TMCO4: variants seen among roughly 807,000 people sequenced by gnomAD.
TMCO4 encodes the protein transmembrane and coiled-coil domains 4.
Under a neutral mutation model 64.7 loss-of-function variants are expected in TMCO4, and 58 were observed. The observed-to-expected ratio is 0.90, with a 90% CI of 0.73 to 1.12. The LOEUF is 1.12. TMCO4 is among the 50% of genes most tolerant of loss of function. The pLI is 0.00. For missense variants in TMCO4, 780 were observed against 825.9 expected (o/e 0.94, Z 0.68); for synonymous variants, 325 against 346.1 (o/e 0.94, Z 0.68).
intron 13 of TMCO4, among the ~76,000 whole-genome samples, chr1:19,720,555 T>G (rs994264224): frequency 1.3e-5 from 2 of 152,202 alleles, no homozygotes; most frequent in Non-Finnish European, 2.9e-5. Context: ...TGTTTTATAT[T>G]TGCCCATAAG....
chr1:19,742,383 G>C (rs968947336), intron 10 of TMCO4, among the ~76,000 whole-genome samples: 1 of 152,176 alleles, frequency 6.6e-6, no homozygotes, highest in Non-Finnish European at 1.5e-5. Context: ...TGGAGGGGTG[G>C]AGACAGCTTC....
At chr1:19,716,381 C>CTTTTTTTTTTTTTTTTTTTTTTTTTCTT (rs1262772167) in intron 13 of TMCO4, among the ~76,000 whole-genome samples, 4 of 124,474 alleles carry the variant, frequency 3.2e-5, no homozygotes, top group Non-Finnish European at 6.7e-5. Flanking sequence ...TTTTTTCTTT[C>CTTTTTTTTTTTTTTTTTTTTTTTTTCTT]TTTTTTTTTT....
intron 5 of TMCO4, 105 bp downstream of exon 5, chr1:19,771,203 T>C (rs2042964701): frequency 8.1e-7 from 1 of 1,233,882 alleles, no homozygotes; most frequent in Non-Finnish European, 1.1e-6. Context: ...ACATATTTTA[T>C]CTTCCAACTG....
intron 13 of TMCO4, among the ~76,000 whole-genome samples, chr1:19,735,442 G>A (rs2100816639): frequency 6.6e-6 from 1 of 152,272 alleles, no homozygotes; most frequent in Non-Finnish European, 1.5e-5. Flanking sequence ...GGGCCATGAG[G>A]ATCCAGGGGT....
intron 15 of TMCO4, among the ~76,000 whole-genome samples, chr1:19,692,859 A>C (rs1270485539): frequency 6.6e-6 from 1 of 151,934 alleles, no homozygotes; most frequent in Non-Finnish European, 1.5e-5. Flanking sequence ...CAGGTGAACG[A>C]GGTTCTTTCA....
At chr1:19,698,507 C>CT (rs763696310) in intron 14 of TMCO4, among the ~76,000 whole-genome samples, 4 of 152,220 alleles carry the variant, frequency 2.6e-5, no homozygotes, top group African/African-American at 4.8e-5. Context: ...TTACAAAGAG[C>CT]TTTATTCATG....
intron 15 of TMCO4, 145 bp from the exon 16 acceptor site, chr1:19,683,589 G>A (rs2095121543): frequency 1.2e-6 from 1 of 856,090 alleles, no homozygotes; most frequent in Non-Finnish European, 1.8e-6. Flanking sequence ...ATCCCTCAGT[G>A]GCTCTCAAAT....
chr1:19,751,845 G>A (rs556254555), intron 7 of TMCO4, among the ~76,000 whole-genome samples: 6 of 152,106 alleles, frequency 3.9e-5, no homozygotes, highest in Admixed American at 2.6e-4. Context: ...TCAGGAGATC[G>A]AGACCATCCT....
At chr1:19,696,455 C>T (rs180817793) in intron 14 of TMCO4, among the ~76,000 whole-genome samples, 10 of 151,962 alleles carry the variant, frequency 6.6e-5, no homozygotes, top group African/African-American at 1.9e-4. Flanking sequence ...GAGGCTGAGG[C>T]AGGAGGATCA....
intron 2 of TMCO4, among the ~76,000 whole-genome samples, chr1:19,794,686 A>T (rs962259402): frequency 6.6e-6 from 1 of 152,208 alleles, no homozygotes; most frequent in Non-Finnish European, 1.5e-5. Context: ...TCTCAAAAAC[A>T]TATTTGTACA....
At chr1:19,699,861 T>A (rs3934193) in intron 14 of TMCO4, among the ~76,000 whole-genome samples, 80,352 of 152,048 alleles carry the variant, frequency 0.53, 23,145 homozygotes, top group Non-Finnish European at 0.66. Flanking sequence ...TGTACATACA[T>A]GCAAACACAC....
rs1309114800 is a variant in TMCO4, at chr1:19,739,858, T to A, written c.1145A>T (p.Lys382Met). The A allele has an allele frequency of 1.2e-6, 2 of 1,613,932 alleles. No individual in the cohort carries two copies. The highest frequency in any genetic ancestry group is 8.5e-7 in the Non-Finnish European group (1 of 1,179,946). Residue 382 changes from lysine (K) to methionine (M), a missense_variant, in exon 12 of 16, where the codon AAG becomes ATG. Transcript: ENST00000294543. ...GGAGAGCAGGATGTGGGCCAGGTGC[T>A]TGCCAACCTCTGCTGATCGATGGAG... Reference protein sequence around the residue: ...VCLHRSAEVGKHLAHILLSRQ... With the variant: ...VCLHRSAEVGMHLAHILLSRQ...
intron 13 of TMCO4, among the ~76,000 whole-genome samples, chr1:19,708,270 T>A (rs4999005): frequency 0.26 from 40,171 of 151,716 alleles, 5,396 homozygotes; most frequent in African/African-American, 0.3. Flanking sequence ...AGATAATTTC[T>A]GTTTCTATCT....
intron 13 of TMCO4, among the ~76,000 whole-genome samples, chr1:19,703,471 CTCCTTCCT>C (rs954804009): frequency 6.6e-6 from 1 of 150,758 alleles, no homozygotes; most frequent in African/African-American, 2.4e-5. Flanking sequence ...CCTTCCTTCC[CTCCTTCCT>C]TCCTTCCCTC....
At chr1:19,779,288 T>C (rs1463138245) in intron 4 of TMCO4, among the ~76,000 whole-genome samples, 1 of 152,178 alleles carries the variant, frequency 6.6e-6, no homozygotes, top group Non-Finnish European at 1.5e-5. Context: ...CTCCTGCCTC[T>C]GCCTCACCCG....
intron 11 of TMCO4, 82 bp from the exon 12 acceptor site, chr1:19,740,042 A>T: frequency 6.7e-7 from 1 of 1,482,442 alleles, no homozygotes; most frequent in Admixed American, 2.3e-5. Context: ...CAGATGCTCA[A>T]ATAAATGCAT....
At chr1:19,701,607 T>C (rs928397821) in intron 13 of TMCO4, among the ~76,000 whole-genome samples, 36 of 152,136 alleles carry the variant, frequency 2.4e-4, no homozygotes, top group South Asian at 4.1e-4. Flanking sequence ...CCGTGGACTA[T>C]GGATGGATGT....
At chr1:19,747,877 A>C (rs896650007) in intron 7 of TMCO4, among the ~76,000 whole-genome samples, 9 of 152,224 alleles carry the variant, frequency 5.9e-5, no homozygotes. Flanking sequence ...CAATTTTCCT[A>C]TTGGACATTC....
At chr1:19,741,356 G>A (rs140299424) in intron 10 of TMCO4, among the ~76,000 whole-genome samples, 107 of 152,292 alleles carry the variant, frequency 7.0e-4, no homozygotes, top group African/African-American at 2.5e-3. Flanking sequence ...GACATACAAC[G>A]AGAGCATACA....
Sources: gnomAD v4.1 joint callset for allele counts (sites outside exome capture counted in the v4.1 genomes callset) on GRCh38, gnomAD v4.1.1 for gene constraint, MANE v1.5 for transcripts, NCBI Gene and HGNC (gene_info 2026-07-23, HGNC 2026-07-21) for gene names.